The following WDR59 variants were observed in gnomAD, a reference collection of about 807,000 sequenced individuals.
WDR59 encodes GATOR2 complex protein WDR59.
In WDR59, 100 loss-of-function variants were observed where a neutral mutation model predicts 131.2. The observed-to-expected ratio is 0.76, with a 90% confidence interval of 0.65 to 0.90. The LOEUF (loss-of-function observed/expected upper bound fraction) is 0.90, where lower values mean the gene tolerates loss of function less well. WDR59 is among the 40% of genes least tolerant of loss of function. The pLI, the probability that WDR59 is intolerant of heterozygous loss-of-function variation, is 0.00. For missense variants in WDR59, 1,203 were observed against 1,262.2 expected (o/e 0.95, Z 0.71); for synonymous variants, 601 against 466.2 (o/e 1.29, Z -3.72).
chr16:74,905,617 G>A (rs1184332306), intron 17 of WDR59, among the ~76,000 whole-genome samples: 1 of 151,898 alleles, frequency 6.6e-6, no homozygotes, highest in Admixed American at 6.6e-5. Context: ...GAGAGGTGGA[G>A]CTTGCAGTGA....
intron 9 of WDR59, among the ~76,000 whole-genome samples, chr16:74,922,454 C>G (rs1040746931): frequency 2.6e-5 from 4 of 152,222 alleles, no homozygotes; most frequent in African/African-American, 9.6e-5. Flanking sequence ...TGAGTGCTTT[C>G]CCAGAATGAG....
intron 1 of WDR59, among the ~76,000 whole-genome samples, chr16:74,969,040 C>T (rs1354644857): frequency 6.6e-6 from 1 of 152,078 alleles, no homozygotes; most frequent in Non-Finnish European, 1.5e-5. Context: ...CTCAGCACAC[C>T]AGGTGGGGAA....
chr16:74,935,362 T>C (rs2031719392), intron 8 of WDR59, among the ~76,000 whole-genome samples: 1 of 152,146 alleles, frequency 6.6e-6, no homozygotes, highest in African/African-American at 2.4e-5. Flanking sequence ...TAAAATGATA[T>C]AAACTCATTT....
intron 18 of WDR59, among the ~76,000 whole-genome samples, chr16:74,894,813 G>A (rs1430865954): frequency 5.9e-5 from 9 of 152,146 alleles, no homozygotes; most frequent in Non-Finnish European, 1.2e-4. Flanking sequence ...TTTGCTCACT[G>A]ACAACTTATG....
chr16:74,952,997 C>T (rs2145148015), intron 3 of WDR59, among the ~76,000 whole-genome samples: 1 of 152,202 alleles, frequency 6.6e-6, no homozygotes, highest in East Asian at 1.9e-4. Context: ...TCTGCTAGTG[C>T]CAGTCCACCT....
intron 23 of WDR59, 152 bp from the exon 24 acceptor site, chr16:74,886,548 T>C: frequency 2.8e-6 from 3 of 1,069,730 alleles, no homozygotes; most frequent in Non-Finnish European, 1.3e-6. Context: ...TAAATAGAAC[T>C]CTCTCCTACC....
chr16:74,919,134 C>G (rs755879819), intron 10 of WDR59, among the ~76,000 whole-genome samples: 1 of 152,082 alleles, frequency 6.6e-6, no homozygotes, highest in Non-Finnish European at 1.5e-5. Context: ...TCCCAAGGGG[C>G]CCTTTGCTTC....
At chr16:74,885,448 CAAAAAA>C (rs397855343) in intron 25 of WDR59, among the ~76,000 whole-genome samples, 199 bp downstream of exon 25, 817 of 62,384 alleles carry the variant, frequency 0.013, 9 homozygotes, top group African/African-American at 0.048. Flanking sequence ...GATTCCATCT[CAAAAAA>C]AAAAAAAAAA....
At chr16:74,944,622 T>C (rs979534949) in intron 6 of WDR59, among the ~76,000 whole-genome samples, 2 of 151,990 alleles carry the variant, frequency 1.3e-5, no homozygotes, top group African/African-American at 4.8e-5. Flanking sequence ...CCACAGGCTC[T>C]GGGAAGCAGG....
intron 23 of WDR59, among the ~76,000 whole-genome samples, chr16:74,886,838 G>A (rs1428262897): frequency 1.3e-5 from 2 of 152,042 alleles, no homozygotes; most frequent in Admixed American, 6.6e-5. Context: ...CAGGAGAATC[G>A]CTCGAACCTG....
Position 74,925,052 on chromosome 16 carries a change from C to T in WDR59, c.652-1049G>A, listed in dbSNP as rs139748346. On this transcript the variant is annotated intron_variant, in intron 8 of 25. Coordinates refer to ENST00000262144, the MANE Select transcript of WDR59 (RefSeq NM_030581.4). ...ACCCATATATGAATGTTTATAGTGG[C>T]TCTATTCACAATCACCAAAAACCAA... Among the ~76,000 whole-genome samples, 210 of 152,310 alleles carry T rather than the reference C, an allele frequency of 1.4e-3. 2 individuals are homozygous for T. Among genetic ancestry groups the T allele is most frequent in the African/African-American group, 4.8e-3 (201 of 41,570 alleles).
At chr16:74,981,291 C>T (rs1597831260) in intron 1 of WDR59, among the ~76,000 whole-genome samples, 1 of 150,618 alleles carries the variant, frequency 6.6e-6, no homozygotes, top group African/African-American at 2.4e-5. Context: ...CAGGAGAATG[C>T]CGTGAACCTG....
Position 74,961,958 on chromosome 16 carries a change from AT to A in WDR59, c.104+3814del, listed in dbSNP as rs903450975. Among the ~76,000 whole-genome samples the A allele has an allele frequency of 2.5e-4, 38 of 151,964 alleles. 1 individual carries two copies. The highest frequency in any genetic ancestry group is 4.6e-4 in the Admixed American group (7 of 15,246). On this transcript the variant is annotated intron_variant, in intron 2 of 25. Coordinates refer to ENST00000262144, the MANE Select transcript of WDR59 (RefSeq NM_030581.4). ...TAAGTCTTTAATCCATCTTGAGTTT[AT>A]TTTTTTATAAGGTTTAAGGAAGGGG...
intron 1 of WDR59, among the ~76,000 whole-genome samples, chr16:74,976,783 C>T (rs954090658): frequency 1.3e-5 from 2 of 152,070 alleles, no homozygotes; most frequent in African/African-American, 4.8e-5. Flanking sequence ...TTTGGGAGGC[C>T]ATGGTAGGTG....
intron 9 of WDR59, among the ~76,000 whole-genome samples, chr16:74,923,509 G>C (rs1044192399): frequency 6.6e-6 from 1 of 151,824 alleles, no homozygotes; most frequent in African/African-American, 2.4e-5. Context: ...ATGGAGTCTC[G>C]CTCTGTCACC....
chr16:74,959,180 C>A (rs1045541769), intron 2 of WDR59, among the ~76,000 whole-genome samples: 3 of 152,088 alleles, frequency 2.0e-5, no homozygotes, highest in Admixed American at 2.0e-4. Flanking sequence ...GGAAGTGCTG[C>A]ACTAAGTCAT....
At chr16:74,898,379 C>G (rs888724354) in intron 18 of WDR59, among the ~76,000 whole-genome samples, 3 of 152,174 alleles carry the variant, frequency 2.0e-5, no homozygotes, top group African/African-American at 4.8e-5. Flanking sequence ...CCTTTCAATG[C>G]TCCATCAATA....
intron 8 of WDR59, among the ~76,000 whole-genome samples, chr16:74,927,822 G>C (rs779379785): frequency 3.3e-5 from 5 of 150,948 alleles, no homozygotes; most frequent in Non-Finnish European, 5.9e-5. Flanking sequence ...TGTCACATGA[G>C]ATGTGTATTT....
chr16:74,877,029 T>C (rs1414826357), intron 25 of WDR59, among the ~76,000 whole-genome samples: 1 of 151,840 alleles, frequency 6.6e-6, no homozygotes, highest in African/African-American at 2.4e-5. Flanking sequence ...TAGATACAAA[T>C]TGCAAAGCAG....
Sources: gnomAD v4.1 joint callset for allele counts (sites outside exome capture counted in the v4.1 genomes callset) on GRCh38, gnomAD v4.1.1 for gene constraint, MANE v1.5 for transcripts, NCBI Gene and HGNC (gene_info 2026-07-23, HGNC 2026-07-21) for gene names.